Variants in MEGF10 observed in about 807,000 individuals in gnomAD.
MEGF10 encodes multiple epidermal growth factor-like domains protein 10.
In MEGF10, 86 loss-of-function variants were observed where a neutral mutation model predicts 147.5. The ratio of observed to expected loss-of-function variants is 0.58; its 90% CI spans 0.49 to 0.70. The LOEUF is 0.70. Among genes scored for constraint, MEGF10 ranks in the 30% least tolerant of loss-of-function variants. The probability of loss-of-function intolerance (pLI) is 0.00; values close to 1 mark genes in which losing one functional copy is unlikely to be tolerated. For synonymous variants in MEGF10, 478 were observed against 525.5 expected, an observed-to-expected ratio of 0.91 and a Z score of 1.24; for missense variants, 1,329 against 1,487.3, an observed-to-expected ratio of 0.89 and a Z score of 1.75.
the MEGF10 span, among the ~76,000 whole-genome samples, chr5:127,248,992 T>C: frequency 1.3e-5 from 2 of 151,964 alleles, no homozygotes; most frequent in African/African-American, 4.8e-5. Context: ...TTCATCAAGC[T>C]GAAGATAAAA....
At chr5:127,380,871 C>A (rs2042942) in intron 5 of MEGF10, among the ~76,000 whole-genome samples, 3,157 of 152,194 alleles carry the variant, frequency 0.021, 53 homozygotes, top group South Asian at 0.076. Flanking sequence ...AGACTGGTAG[C>A]TGCAATGAAA....
chr5:127,367,803 A>G (rs1476983983), intron 4 of MEGF10, among the ~76,000 whole-genome samples: 1 of 152,218 alleles, frequency 6.6e-6, no homozygotes, highest in Non-Finnish European at 1.5e-5. Context: ...CATAGATGCC[A>G]TCAGTACCTA....
chr5:127,238,016 T>G, the MEGF10 span, among the ~76,000 whole-genome samples: 1 of 148,162 alleles, frequency 6.7e-6, no homozygotes, highest in African/African-American at 2.5e-5. Flanking sequence ...TTTAACAGGG[T>G]ATAAACTTCA....
At chr5:127,417,076 C>T (rs1345269286) in intron 9 of MEGF10, among the ~76,000 whole-genome samples, 1 of 152,234 alleles carries the variant, frequency 6.6e-6, no homozygotes, top group Non-Finnish European at 1.5e-5. Context: ...ACAGAGGGCC[C>T]TATTGTGTCA....
chr5:127,247,412 A>T, the MEGF10 span, among the ~76,000 whole-genome samples: 1 of 77,130 alleles, frequency 1.3e-5, no homozygotes, highest in Non-Finnish European at 2.5e-5. Context: ...AAGAAGAAGA[A>T]GAAGAAGAAG....
At chr5:127,296,944 G>A (rs1470082087) in intron 1 of MEGF10, among the ~76,000 whole-genome samples, 1 of 152,058 alleles carries the variant, frequency 6.6e-6, no homozygotes, top group Non-Finnish European at 1.5e-5. Flanking sequence ...GTTACTTTTT[G>A]TTCCACCAGT....
At chr5:127,445,316 T>G in intron 19 of MEGF10, 141 bp from the exon 20 acceptor site, 1 of 688,240 alleles carries the variant, frequency 1.5e-6, no homozygotes, top group Non-Finnish European at 2.5e-6. Context: ...GTTTGCTTTT[T>G]CTTCCTGCTC....
At chr5:127,296,495 T>G (rs1759509283) in intron 1 of MEGF10, among the ~76,000 whole-genome samples, 1 of 152,170 alleles carries the variant, frequency 6.6e-6, no homozygotes, top group South Asian at 2.1e-4. Flanking sequence ...TCTTGATAGG[T>G]ACATGTGCAG....
At chr5:127,402,053 A>T (rs575031423) in intron 7 of MEGF10, among the ~76,000 whole-genome samples, 21 of 152,354 alleles carry the variant, frequency 1.4e-4, no homozygotes, top group African/African-American at 5.0e-4. Context: ...GTTATGCTAC[A>T]TTTTAAGAAA....
the MEGF10 span, among the ~76,000 whole-genome samples, chr5:127,248,899 TAA>T: frequency 7.7e-5 from 11 of 143,342 alleles, no homozygotes; most frequent in African/African-American, 1.5e-4. Flanking sequence ...GATTGAAAAG[TAA>T]AAAAAAAAAA....
chr5:127,280,875 G>A, the MEGF10 span, among the ~76,000 whole-genome samples: 3 of 152,190 alleles, frequency 2.0e-5, no homozygotes, highest in African/African-American at 4.8e-5. Context: ...AAACAACAAA[G>A]GGCATATACT....
intron 2 of MEGF10, among the ~76,000 whole-genome samples, chr5:127,335,804 T>C (rs1255708209): frequency 6.6e-6 from 1 of 151,950 alleles, no homozygotes; most frequent in African/African-American, 2.4e-5. Context: ...CAACATGCTG[T>C]TGGTGGTTAT....
chr5:127,431,623 C>T (rs997935216), intron 13 of MEGF10, among the ~76,000 whole-genome samples: 3 of 152,102 alleles, frequency 2.0e-5, no homozygotes, highest in African/African-American at 7.2e-5. Context: ...CCAAAATGCC[C>T]TGGGTTGATT....
chr5:127,300,740 A>C (rs933099121), intron 1 of MEGF10, among the ~76,000 whole-genome samples: 5 of 152,182 alleles, frequency 3.3e-5, no homozygotes, highest in African/African-American at 1.2e-4. Flanking sequence ...GAGGGCCTAG[A>C]GCTTTAAATA....
rs1394979668 is a variant in MEGF10, at chr5:127,455,533, C to T, written c.3158C>T (p.Ser1053Leu). The change falls in exon 24 of 25, where the codon TCG becomes TTG. Residue 1053 changes from serine (S) to leucine (L), a missense_variant. By Grantham distance (145) the Ser-to-Leu change is moderately radical. Coordinates refer to ENST00000503335, the MANE Select transcript of MEGF10 (RefSeq NM_001256545.2). ...SSECGYVEMK[S>L]PARRDSPYAE... ...GAGTGTGGTTATGTGGAGATGAAAT[C>T]GCCGGCACGAAGAGATTCCCCATAT... 12 of 1,613,958 alleles carry T rather than the reference C, an allele frequency of 7.4e-6. No homozygotes were observed. Among genetic ancestry groups the T allele is most frequent in the Non-Finnish European group, 8.5e-6 (10 of 1,180,006 alleles).
the MEGF10 span, among the ~76,000 whole-genome samples, chr5:127,285,295 T>C: frequency 1.5e-4 from 23 of 152,122 alleles, no homozygotes; most frequent in African/African-American, 5.3e-4. Context: ...GTTCTAAAGA[T>C]GGACTGCATA....
At chr5:127,434,872 A>C in intron 15 of MEGF10, 51 bp downstream of exon 15, 1 of 1,581,012 alleles carries the variant, frequency 6.3e-7, no homozygotes, top group Non-Finnish European at 8.6e-7. Flanking sequence ...CACGCCCCGG[A>C]GAGTCTGTCC....
rs904672741 is a variant in MEGF10, at chr5:127,459,280, C to T, written c.*1962C>T. On this transcript the variant is annotated 3_prime_UTR_variant, in exon 25 of 25. Transcript: ENST00000503335. ...ACAGCAGACACACTTAGAACACTCA[C>T]TGCACTGGTGGCTGTTCATTTTGAG... The T allele has an allele frequency of 6.6e-6, 1 of 152,212 alleles. No individual in the cohort carries two copies. Among genetic ancestry groups the T allele is most frequent in the Non-Finnish European group, 1.5e-5 (1 of 68,038 alleles). The allele number at this position is 152,212 out of a possible 1,614,324, so 9.4% of individuals were successfully genotyped here.
chr5:127,331,863 G>A (rs1040134679), intron 2 of MEGF10, among the ~76,000 whole-genome samples: 6 of 152,006 alleles, frequency 3.9e-5, no homozygotes, highest in African/African-American at 1.5e-4. Flanking sequence ...TGAAAACGGA[G>A]ACCTAAATTT....
Sources: gnomAD v4.1 joint callset for allele counts (sites outside exome capture counted in the v4.1 genomes callset) on GRCh38, gnomAD v4.1.1 for gene constraint, MANE v1.5 for transcripts, NCBI Gene and HGNC (gene_info 2026-07-23, HGNC 2026-07-21) for gene names.